The following CSMD1 variants were observed in gnomAD, a reference collection of about 807,000 sequenced individuals.
The protein encoded by CSMD1 is CUB and Sushi multiple domains 1.
In CSMD1, 213 loss-of-function variants were observed where a neutral mutation model predicts 417.5. That is an observed-to-expected ratio of 0.51 (90% CI 0.46 to 0.57). The LOEUF (loss-of-function observed/expected upper bound fraction) is 0.57, where lower values mean the gene tolerates loss of function less well. CSMD1 is among the 20% of genes least tolerant of loss of function. The pLI is 0.00. For missense variants in CSMD1, 6,923 were observed against 4,529.7 expected (o/e 1.53, Z -15.17); for synonymous variants, 2,862 against 1,736.8 (o/e 1.65, Z -16.11).
intron 2 of CSMD1, among the ~76,000 whole-genome samples, chr8:4,608,268 G>T (rs1585323744): frequency 6.6e-6 from 1 of 152,208 alleles, no homozygotes; most frequent in African/African-American, 2.4e-5. Context: ...AGTGGTAAAA[G>T]TCTGCACCGT....
At chr8:3,607,277 G>A (rs945014587) in intron 8 of CSMD1, among the ~76,000 whole-genome samples, 5 of 152,122 alleles carry the variant, frequency 3.3e-5, no homozygotes, top group Admixed American at 2.6e-4. Context: ...TCAGGGGCAA[G>A]GACACACATA....
At position 3,386,731 on chromosome 8, in the gene CSMD1, T is replaced by A. The variant is rs985113843; in HGVS notation, c.2782+763A>T. ...CACTGTTTTCCATAGAAACAATGTT[T>A]CCTGGAACGTTTTTCTGCAGAAACA... On this transcript the variant is annotated intron_variant, in intron 18 of 69. Coordinates refer to ENST00000635120, the MANE Select transcript of CSMD1 (RefSeq NM_033225.6). Among the ~76,000 whole-genome samples, 44 of 152,314 alleles carry A rather than the reference T, an allele frequency of 2.9e-4. 1 individual carries two copies. Among genetic ancestry groups the A allele is most frequent in the East Asian group, 1.9e-4 (1 of 5,182 alleles).
intron 37 of CSMD1, among the ~76,000 whole-genome samples, chr8:3,175,495 G>GCCTT (rs1554451356): frequency 5.7e-5 from 6 of 105,636 alleles, no homozygotes; most frequent in East Asian, 3.0e-4. Flanking sequence ...CTGCCTGCCT[G>GCCTT]CCTGCCTGCC....
chr8:4,825,789 A>G lies in CSMD1; in HGVS notation c.85+168543T>C, dbSNP rs572409659. Among the ~76,000 whole-genome samples the G allele has an allele frequency of 8.4e-4, 126 of 149,798 alleles. 2 individuals carry two copies. The South Asian group carries it at 0.024, about 29-fold the overall frequency. ...GAAGCTTCTACAAATCAAATGCAAA[A>G]AAAAAAGAAAAAAAAAAGAAATCCC... is the stretch of plus-strand genomic sequence containing the variant. On this transcript the variant is annotated intron_variant, in intron 1 of 69. Transcript: ENST00000635120.
At chr8:4,743,074 T>G (rs145438070) in intron 1 of CSMD1, among the ~76,000 whole-genome samples, 11 of 152,302 alleles carry the variant, frequency 7.2e-5, no homozygotes, top group African/African-American at 2.6e-4. Flanking sequence ...ATTATTACAT[T>G]AAAATTGGCT....
intron 3 of CSMD1, among the ~76,000 whole-genome samples, chr8:4,178,348 G>C (rs1338522177): frequency 4.0e-5 from 6 of 151,002 alleles, no homozygotes; most frequent in Non-Finnish European, 8.8e-5. Flanking sequence ...TATCTCAATA[G>C]ATGCAGAAAA....
chr8:4,600,606 T>G (rs898228305), intron 2 of CSMD1, among the ~76,000 whole-genome samples: 1 of 152,228 alleles, frequency 6.6e-6, no homozygotes, highest in African/African-American at 2.4e-5. Flanking sequence ...AAATTCAACA[T>G]CAAACCTTAT....
chr8:3,983,395 G>A (rs1048439031), intron 5 of CSMD1, among the ~76,000 whole-genome samples: 1 of 151,978 alleles, frequency 6.6e-6, no homozygotes, highest in East Asian at 1.9e-4. Flanking sequence ...CTCCCAAATT[G>A]CTGGGATTAC....
intron 5 of CSMD1, among the ~76,000 whole-genome samples, chr8:3,988,278 A>T (rs1814486748): frequency 6.6e-6 from 1 of 152,222 alleles, no homozygotes; most frequent in Admixed American, 6.5e-5. Context: ...CCAGAAGGCC[A>T]TTATAAACAT....
chr8:3,779,839 T>C (rs902979552), intron 5 of CSMD1, among the ~76,000 whole-genome samples: 2 of 152,100 alleles, frequency 1.3e-5, no homozygotes, highest in African/African-American at 4.8e-5. Context: ...ACAGGAAAAA[T>C]AGTTGTTTAA....
intron 26 of CSMD1, 30 bp from the exon 27 acceptor site, chr8:3,230,261 GGCT>G (rs1563164714): frequency 6.6e-7 from 1 of 1,515,724 alleles, no homozygotes; most frequent in African/African-American, 1.4e-5. Flanking sequence ...CAAGGTCACA[GGCT>G]GGAAAACATG....
chr8:2,955,741 G>C lies in CSMD1; in HGVS notation c.9842C>G (p.Pro3281Arg). ...IPHACRQPET[P>R]AHADVRAIDL... is the part of the protein sequence containing the mutation. ...GATGGCTCTCACATCCGCGTGTGCCGGGGTTTCTGGCTGTCTGCAGGCATG... is the reference window on the plus strand; with the variant it reads ...GATGGCTCTCACATCCGCGTGTGCCCGGGTTTCTGGCTGTCTGCAGGCATG... Residue 3281 changes from proline (P) to arginine (R), a missense_variant, in exon 64 of 70, where the codon CCG becomes CGG. Physicochemically the swap from Pro to Arg is moderately radical, Grantham distance 103. Transcript: ENST00000635120. The C allele has an allele frequency of 6.2e-7, 1 of 1,613,768 alleles. No individual in the cohort carries two copies. The highest frequency in any genetic ancestry group is 1.3e-5 in the African/African-American group (1 of 75,018).
intron 23 of CSMD1, among the ~76,000 whole-genome samples, chr8:3,334,543 A>G (rs17080033): frequency 0.017 from 2,516 of 152,346 alleles, 78 homozygotes; most frequent in African/African-American, 0.057. Flanking sequence ...TAATAAAACC[A>G]GCATGACAGC....
intron 5 of CSMD1, among the ~76,000 whole-genome samples, chr8:3,967,996 T>C (rs1396727001): frequency 1.8e-5 from 2 of 109,246 alleles, no homozygotes; most frequent in Admixed American, 9.6e-5. Flanking sequence ...TGAAACCCCG[T>C]CACTGCTTAA....
intron 3 of CSMD1, among the ~76,000 whole-genome samples, chr8:4,406,504 G>C (rs947010665): frequency 2.6e-5 from 4 of 152,176 alleles, no homozygotes; most frequent in Admixed American, 6.5e-5. Context: ...CAAGGAATTT[G>C]ACTAGTTGAT....
At chr8:3,188,078 A>T in intron 35 of CSMD1, 113 bp from the exon 36 acceptor site, 2 of 338,420 alleles carry the variant, frequency 5.9e-6, no homozygotes, top group Non-Finnish European at 1.1e-5. Flanking sequence ...ATATATATAC[A>T]TATGTATATG....
intron 26 of CSMD1, among the ~76,000 whole-genome samples, chr8:3,261,283 C>T (rs914334033): frequency 6.6e-6 from 1 of 152,170 alleles, no homozygotes; most frequent in African/African-American, 2.4e-5. Flanking sequence ...TAAAATGGTA[C>T]AGCCATTCTG....
chr8:3,147,473 C>A (rs1456841042), intron 40 of CSMD1, among the ~76,000 whole-genome samples: 1 of 152,170 alleles, frequency 6.6e-6, no homozygotes, highest in African/African-American at 2.4e-5. Context: ...CTCCAGCATC[C>A]AAGGAACTGG....
intron 17 of CSMD1, among the ~76,000 whole-genome samples, chr8:3,390,329 T>A (rs113494176): frequency 0.087 from 10,263 of 117,974 alleles, 430 homozygotes; most frequent in East Asian, 0.21. Flanking sequence ...CATTCCAGCC[T>A]GGGCGACAGA....
Sources: gnomAD v4.1 joint callset for allele counts (sites outside exome capture counted in the v4.1 genomes callset) on GRCh38, gnomAD v4.1.1 for gene constraint, MANE v1.5 for transcripts, NCBI Gene and HGNC (gene_info 2026-07-23, HGNC 2026-07-21) for gene names.